NEK10: variants seen among roughly 807,000 people sequenced by gnomAD.
NEK10 encodes the protein NIMA related kinase 10.
NEK10 carries 122 observed loss-of-function variants against 159.8 expected under a neutral mutation model. The ratio of observed to expected loss-of-function variants is 0.76; its 90% CI spans 0.66 to 0.89. The LOEUF (loss-of-function observed/expected upper bound fraction) is 0.89. Ranked by LOEUF, NEK10 falls within the 40% of genes least tolerant of loss-of-function variation. The pLI, the probability that NEK10 is intolerant of heterozygous loss-of-function variation, is 0.00. For missense variants in NEK10, 1,342 were observed against 1,323.1 expected (o/e 1.01, Z -0.22); for synonymous variants, 466 against 457.1 (o/e 1.02, Z -0.25).
rs780426333 is a variant in NEK10, at chr3:27,143,408, A to C, written c.2870-1826T>G. On this transcript the variant is annotated intron_variant, in intron 30 of 35. Coordinates refer to ENST00000691995, the MANE Select transcript of NEK10 (RefSeq NM_001394966.1). ...GCAAAGAGTTCTTAGATCTGTGATG[A>C]CATTTTGAATGGGATATCACATAGG... is the stretch of plus-strand genomic sequence containing the variant. 7.3e-5 allele frequency: 54 copies of C among 735,626 alleles called. No individual in the cohort carries two copies. The African/African-American group carries it at 7.9e-4, about 11-fold the overall frequency. The allele number at this position is 735,626 out of a possible 1,614,324, so 45.6% of individuals were successfully genotyped here.
At chr3:27,254,918 T>TACACAC (rs3035705) in intron 23 of NEK10, among the ~76,000 whole-genome samples, 1,613 of 141,850 alleles carry the variant, frequency 0.011, 20 homozygotes, top group African/African-American at 0.031. Flanking sequence ...CTCTTTCTCT[T>TACACAC]ACACACACAC....
chr3:27,192,063 AC>A lies in NEK10; in HGVS notation c.2470del (p.Val824SerfsTer20). 1 of 1,614,198 alleles carries A rather than the reference AC, an allele frequency of 6.2e-7. No homozygotes were observed. The highest frequency in any genetic ancestry group is 2.2e-5 in the East Asian group (1 of 44,882). ...RYFMEANRNTVTCHHELAVLS... is the reference protein window; with the variant it reads ...RYFMEANRNTXTCHHELAVLS... Reference sequence around the variant, plus strand: ...AACAGCCAGCTCATGGTGACATGTGACGGTGTTCCGGTTGGCTTCCATAAAA... The same window carrying A: ...AACAGCCAGCTCATGGTGACATGTGAGGTGTTCCGGTTGGCTTCCATAAAA... On this transcript the variant is annotated frameshift_variant, in exon 26 of 36. Transcript: ENST00000691995. LOFTEE classifies it high-confidence loss of function.
chr3:27,258,788 C>G (rs958640442), intron 22 of NEK10, among the ~76,000 whole-genome samples: 6 of 152,154 alleles, frequency 3.9e-5, no homozygotes, highest in African/African-American at 1.4e-4. Context: ...CCTGAGGAAT[C>G]GCCACACTGA....
chr3:27,176,145 T>C (rs937787188), intron 26 of NEK10, among the ~76,000 whole-genome samples: 6 of 152,202 alleles, frequency 3.9e-5, no homozygotes, highest in African/African-American at 7.2e-5. Context: ...AAAAGATTTT[T>C]AAAATACAAA....
chr3:27,187,893 C>T (rs962902849), intron 26 of NEK10, among the ~76,000 whole-genome samples: 1 of 152,176 alleles, frequency 6.6e-6, no homozygotes, highest in Non-Finnish European at 1.5e-5. Flanking sequence ...TATTCACAAA[C>T]ATCCATCATC....
chr3:27,212,735 C>T (rs1014805874), intron 23 of NEK10, among the ~76,000 whole-genome samples: 3 of 152,140 alleles, frequency 2.0e-5, no homozygotes, highest in African/African-American at 7.2e-5. Flanking sequence ...ACATGGGGAA[C>T]CCAGGGCTTG....
intron 5 of NEK10, among the ~76,000 whole-genome samples, chr3:27,324,877 C>T (rs2045902337): frequency 6.6e-6 from 1 of 152,196 alleles, no homozygotes; most frequent in Non-Finnish European, 1.5e-5. Flanking sequence ...CTTTCCACTG[C>T]CCCTTGTTCA....
At chr3:27,215,036 C>A (rs574476618) in intron 23 of NEK10, 2 of 595,252 alleles carry the variant, frequency 3.4e-6, no homozygotes, top group South Asian at 4.0e-5. Context: ...CCCACCGGCG[C>A]CTCCAGCTTT....
chr3:27,269,869 T>G (rs2041196389), intron 22 of NEK10, among the ~76,000 whole-genome samples: 1 of 152,258 alleles, frequency 6.6e-6, no homozygotes, highest in African/African-American at 2.4e-5. Flanking sequence ...GTCTCATGAA[T>G]GAGTCCTGAC....
Position 27,352,920 on chromosome 3 carries a change from C to T in NEK10, c.-37-1G>A, listed in dbSNP as rs2048074450. 6.7e-7 allele frequency: 1 copy of T among 1,491,906 alleles called. No individual in the cohort carries two copies. Among genetic ancestry groups the T allele is most frequent in the South Asian group, 1.1e-5 (1 of 87,458 alleles). The allele number at this position is 1,491,906 out of a possible 1,614,324, so 92.4% of individuals were successfully genotyped here. A position where few individuals can be genotyped will look rare whatever the true frequency, so the allele number is the denominator to read the frequency against. Reference sequence around the variant, plus strand: ...ATGCCCCAGAATTAACATCGCATTCCTTTAAAATTAAACCAGAGGGAAAAT... The same window carrying T: ...ATGCCCCAGAATTAACATCGCATTCTTTTAAAATTAAACCAGAGGGAAAAT... On this transcript the variant is annotated splice_acceptor_variant, in intron 1 of 35. Transcript: ENST00000691995. LOFTEE classifies it low-confidence loss of function (5UTR_SPLICE).
chr3:27,251,828 T>G (rs1335464808), intron 23 of NEK10, among the ~76,000 whole-genome samples: 1 of 152,204 alleles, frequency 6.6e-6, no homozygotes, highest in Non-Finnish European at 1.5e-5. Flanking sequence ...CTACTTGATC[T>G]CATTTACTCA....
At chr3:27,150,854 A>C (rs1431760220) in intron 30 of NEK10, among the ~76,000 whole-genome samples, 1 of 152,206 alleles carries the variant, frequency 6.6e-6, no homozygotes, top group East Asian at 1.9e-4. Context: ...ACTATTCTAG[A>C]TGTCATTAAA....
intron 22 of NEK10, among the ~76,000 whole-genome samples, chr3:27,256,924 T>C (rs1956254746): frequency 6.7e-6 from 1 of 149,028 alleles, no homozygotes; most frequent in Non-Finnish European, 1.5e-5. Context: ...TTTTTTTTTT[T>C]TTTTTTTTTG....
At chr3:27,171,775 C>T (rs1248606299) in intron 29 of NEK10, 44 bp downstream of exon 29, 1 of 1,605,906 alleles carries the variant, frequency 6.2e-7, no homozygotes, top group Non-Finnish European at 8.5e-7. Context: ...TTACTCAGCT[C>T]TGCAAAATCA....
At chr3:27,201,484 A>C (rs1310214140) in intron 25 of NEK10, 26 bp downstream of exon 25, 9 of 1,597,632 alleles carry the variant, frequency 5.6e-6, no homozygotes, top group Non-Finnish European at 7.7e-6. Context: ...TTGTCCCTAC[A>C]TGTCTGAAGC....
At chr3:27,153,891 C>G (rs573677347) in intron 30 of NEK10, among the ~76,000 whole-genome samples, 1 of 152,164 alleles carries the variant, frequency 6.6e-6, no homozygotes, top group East Asian at 1.9e-4. Context: ...GGTCACACCT[C>G]AAGGAACTAT....
intron 26 of NEK10, among the ~76,000 whole-genome samples, chr3:27,186,059 G>A (rs1282480271): frequency 2.0e-5 from 3 of 152,184 alleles, no homozygotes; most frequent in Non-Finnish European, 4.4e-5. Flanking sequence ...GCTGATCAAG[G>A]GAGGAGAATC....
intron 23 of NEK10, among the ~76,000 whole-genome samples, chr3:27,220,043 G>C (rs958019754): frequency 6.6e-6 from 1 of 152,088 alleles, no homozygotes; most frequent in Admixed American, 6.5e-5. Flanking sequence ...ACTAAAAAGA[G>C]CATAACATCA....
At chr3:27,291,045 C>T (rs2042960505) in intron 18 of NEK10, among the ~76,000 whole-genome samples, 2 of 152,340 alleles carry the variant, frequency 1.3e-5, no homozygotes, top group Middle Eastern at 3.4e-3. Context: ...ATTAATAATG[C>T]CTTTTGTCTT....
Sources: gnomAD v4.1 joint callset for allele counts (sites outside exome capture counted in the v4.1 genomes callset) on GRCh38, gnomAD v4.1.1 for gene constraint, MANE v1.5 for transcripts, NCBI Gene and HGNC (gene_info 2026-07-23, HGNC 2026-07-21) for gene names.